Variants in GPC5 observed in about 807,000 individuals in gnomAD.
GPC5 encodes glypican-5.
Under a neutral mutation model 53.9 loss-of-function variants are expected in GPC5, and 47 were observed. The observed-to-expected ratio is 0.87, with a 90% CI of 0.69 to 1.11. GPC5 has a LOEUF of 1.11. Ranked by LOEUF, GPC5 falls within the 50% of genes most tolerant of loss-of-function variation. GPC5 has a pLI of 0.00. For synonymous variants in GPC5, 286 were observed against 263.3 expected, an observed-to-expected ratio of 1.09 and a Z score of -0.84; for missense variants, 748 against 713.1, an observed-to-expected ratio of 1.05 and a Z score of -0.56.
At chr13:92,845,104 T>C (rs1370885831) in intron 7 of GPC5, among the ~76,000 whole-genome samples, 1 of 151,994 alleles carries the variant, frequency 6.6e-6, no homozygotes, top group African/African-American at 2.4e-5. Context: ...AACTCACTCC[T>C]GATGAAGCTG....
intron 7 of GPC5, among the ~76,000 whole-genome samples, chr13:92,153,377 A>G (rs916439654): frequency 3.9e-5 from 6 of 152,170 alleles, no homozygotes; most frequent in South Asian, 2.1e-4. Context: ...ACCTCAAGTG[A>G]TCCACCTGCC....
intron 7 of GPC5, among the ~76,000 whole-genome samples, chr13:92,709,940 A>C (rs2139267459): frequency 6.6e-6 from 1 of 152,302 alleles, no homozygotes; most frequent in East Asian, 1.9e-4. Flanking sequence ...TTGTAGAAAA[A>C]GATTTCTAAG....
At chr13:91,837,722 A>T (rs553897226) in intron 5 of GPC5, among the ~76,000 whole-genome samples, 37 of 152,286 alleles carry the variant, frequency 2.4e-4, no homozygotes, top group African/African-American at 8.9e-4. Context: ...GAAGTTAGAA[A>T]ATTATTATGT....
chr13:92,663,971 C>A (rs917556074), intron 7 of GPC5, among the ~76,000 whole-genome samples: 1 of 147,068 alleles, frequency 6.8e-6, no homozygotes, highest in African/African-American at 2.6e-5. Flanking sequence ...ACTTGGGAGG[C>A]TGAGGCAGAA....
chr13:92,793,539 C>T (rs755480976), intron 7 of GPC5, among the ~76,000 whole-genome samples: 40 of 151,818 alleles, frequency 2.6e-4, no homozygotes, highest in East Asian at 1.9e-3. Flanking sequence ...AAGATCAGAG[C>T]GGAACTGAGA....
intron 7 of GPC5, among the ~76,000 whole-genome samples, chr13:92,269,613 A>G (rs1431651369): frequency 6.6e-6 from 1 of 151,986 alleles, no homozygotes; most frequent in Non-Finnish European, 1.5e-5. Context: ...TCACCATGTT[A>G]GCCAGGATGG....
intron 7 of GPC5, among the ~76,000 whole-genome samples, chr13:92,465,783 C>T (rs774187246): frequency 6.6e-6 from 1 of 151,858 alleles, no homozygotes; most frequent in Non-Finnish European, 1.5e-5. Flanking sequence ...TATAAGAAAA[C>T]ATTAGTCCAA....
At chr13:91,465,066 T>G (rs189740124) in intron 2 of GPC5, among the ~76,000 whole-genome samples, 2 of 152,246 alleles carry the variant, frequency 1.3e-5, no homozygotes, top group East Asian at 3.9e-4. Flanking sequence ...CTTACCTTAA[T>G]CAATTTTTAA....
chr13:91,564,039 T>C (rs942811659), intron 2 of GPC5, among the ~76,000 whole-genome samples: 1 of 152,150 alleles, frequency 6.6e-6, no homozygotes, highest in African/African-American at 2.4e-5. Flanking sequence ...AAAGCTGTCT[T>C]ATTCTTGGCA....
intron 1 of GPC5, among the ~76,000 whole-genome samples, chr13:91,446,628 G>A (rs1004866901): frequency 6.6e-6 from 1 of 152,078 alleles, no homozygotes; most frequent in Non-Finnish European, 1.5e-5. Context: ...AGGAGCCTGG[G>A]CTTTATATCA....
chr13:92,181,427 T>C (rs1236850237), intron 7 of GPC5, among the ~76,000 whole-genome samples: 2 of 152,180 alleles, frequency 1.3e-5, no homozygotes, highest in Non-Finnish European at 2.9e-5. Flanking sequence ...AATTTCCCTC[T>C]TGGTATGCTA....
chr13:91,925,719 G>A (rs756126814), intron 6 of GPC5, among the ~76,000 whole-genome samples: 8 of 152,028 alleles, frequency 5.3e-5, no homozygotes, highest in African/African-American at 1.4e-4. Context: ...GACCATACTC[G>A]CTTGCAAAAA....
rs1228653128 is a variant in GPC5 at position 92,475,218 on chromosome 13, G to C, written c.1561+330229G>C. On this transcript the variant is annotated intron_variant, in intron 7 of 7. Transcript: ENST00000377067. ...TTGGTTCCATATGAACTTTAAAGTA[G>C]TTTTTTCCAATTCTGTGAAGAAAGG... Among the ~76,000 whole-genome samples, 13 of 150,340 alleles carry C rather than the reference G, an allele frequency of 8.6e-5. 1 individual carries two copies. In the South Asian group the frequency reaches 1.9e-3, roughly 22 times the overall value.
rs1566403212 is a variant in GPC5, at chr13:92,031,752, T to TATTACATATATATAATATATAA, written c.1402-113078_1402-113077insATTACATATATATAATATATAA. 4.3e-4 allele frequency among the ~76,000 whole-genome samples: 19 copies of TATTACATATATATAATATATAA among 43,730 alleles called. 3 individuals are homozygous for TATTACATATATATAATATATAA. Among genetic ancestry groups the TATTACATATATATAATATATAA allele is most frequent in the African/African-American group, 2.5e-3 (19 of 7,738 alleles). The allele number at this position is 43,730 out of a possible 152,430, so 28.7% of individuals were successfully genotyped here. A position where few individuals can be genotyped will look rare whatever the true frequency, so the allele number is the denominator to read the frequency against. On this transcript the variant is annotated intron_variant, in intron 6 of 7. Coordinates refer to ENST00000377067, the MANE Select transcript of GPC5 (RefSeq NM_004466.6). ...TATTACATATTATATATAATATATA[T>TATTACATATATATAATATATAA]TATATTACATATTATATATAATATA...
chr13:92,554,894 T>G (rs1207722410), intron 7 of GPC5, among the ~76,000 whole-genome samples: 4 of 150,880 alleles, frequency 2.7e-5, no homozygotes, highest in East Asian at 1.9e-4. Flanking sequence ...TGGATAATTT[T>G]GGGTATTTTT....
intron 7 of GPC5, among the ~76,000 whole-genome samples, chr13:92,738,902 A>T (rs1889013655): frequency 6.6e-6 from 1 of 152,148 alleles, no homozygotes; most frequent in African/African-American, 2.4e-5. Flanking sequence ...TGTTTAGCAT[A>T]GAATTTTTAA....
At chr13:92,699,353 T>C (rs1235291987) in intron 7 of GPC5, among the ~76,000 whole-genome samples, 2 of 152,170 alleles carry the variant, frequency 1.3e-5, no homozygotes, top group Non-Finnish European at 2.9e-5. Flanking sequence ...GGTCTATCAA[T>C]TGTGTTGATC....
intron 6 of GPC5, among the ~76,000 whole-genome samples, chr13:91,950,266 GTTTTTTT>G (rs35957614): frequency 8.2e-6 from 1 of 122,634 alleles, no homozygotes; most frequent in Non-Finnish European, 1.7e-5. Context: ...AAACTGCCAA[GTTTTTTT>G]TTTTTTTTTT....
At chr13:92,501,698 C>T (rs1880189261) in intron 7 of GPC5, among the ~76,000 whole-genome samples, 4 of 152,172 alleles carry the variant, frequency 2.6e-5, no homozygotes, top group South Asian at 4.1e-4. Context: ...CCAGAGAAAA[C>T]TGTTTAAATG....
Sources: gnomAD v4.1 joint callset for allele counts (sites outside exome capture counted in the v4.1 genomes callset) on GRCh38, gnomAD v4.1.1 for gene constraint, MANE v1.5 for transcripts, NCBI Gene and HGNC (gene_info 2026-07-23, HGNC 2026-07-21) for gene names.